RHCE: variants seen among roughly 807,000 people sequenced by gnomAD.
The protein encoded by RHCE is blood group Rh(CE) polypeptide.
Under a neutral mutation model 43.8 loss-of-function variants are expected in RHCE, and 22 were observed. That is an observed-to-expected ratio of 0.50 (90% CI 0.36 to 0.72). The LOEUF (loss-of-function observed/expected upper bound fraction) is 0.72, where lower values mean the gene tolerates loss of function less well. Among genes scored for constraint, RHCE ranks in the 30% least tolerant of loss-of-function variants. The pLI is 0.00. For synonymous variants in RHCE, 156 were observed against 210.7 expected (o/e 0.74, Z 2.25); for missense variants, 385 against 525.4 (o/e 0.73, Z 2.61).
rs1173613296 is a variant in RHCE, at chr1:25,409,255, G to C, written c.149-386C>G. 1.6e-5 allele frequency among the ~76,000 whole-genome samples: 2 copies of C among 123,770 alleles called. 1 individual carries two copies. Among genetic ancestry groups the C allele is most frequent in the Non-Finnish European group, 3.7e-5 (2 of 54,274 alleles). The allele number at this position is 123,770 out of a possible 152,430, so 81.2% of individuals were successfully genotyped here. Reference sequence around the variant, plus strand: ...TCATTGCTGCTGTTATTGCATATGAGGGCCAACCCCCTGGCTGGGCACATG... The same window carrying C: ...TCATTGCTGCTGTTATTGCATATGACGGCCAACCCCCTGGCTGGGCACATG... On this transcript the variant is annotated intron_variant, in intron 1 of 9. Coordinates refer to ENST00000294413, the MANE Select transcript of RHCE (RefSeq NM_020485.8).
rs541555173 is a variant in RHCE, at chr1:25,377,198, A to C, written c.1074-1770T>G. 4.5e-4 allele frequency among the ~76,000 whole-genome samples: 69 copies of C among 152,266 alleles called. 1 individual carries two copies. In the South Asian group the frequency reaches 9.9e-3, roughly 22 times the overall value. On this transcript the variant is annotated intron_variant, in intron 7 of 9. Coordinates refer to ENST00000294413, the MANE Select transcript of RHCE (RefSeq NM_020485.8). Reference sequence around the variant, plus strand: ...CAATTACTCAATTCATTGATCTAAAATTAAGTGATTTTTAGAAAAAAATTC... The same window carrying C: ...CAATTACTCAATTCATTGATCTAAACTTAAGTGATTTTTAGAAAAAAATTC...
At position 25,416,751 on chromosome 1, in the gene RHCE, G is replaced by A. The variant is rs577741051; in HGVS notation, c.148+3888C>T. 1.1e-4 allele frequency among the ~76,000 whole-genome samples: 16 copies of A among 150,696 alleles called. No homozygotes were observed. The South Asian group carries it at 3.3e-3, about 32-fold the overall frequency. Reference sequence around the variant, plus strand: ...CTCACCTCAGCCTACTGAGTAGCTGGGACTACAGGCATGTGCCACCACACT... The same window carrying A: ...CTCACCTCAGCCTACTGAGTAGCTGAGACTACAGGCATGTGCCACCACACT... On this transcript the variant is annotated intron_variant, in intron 1 of 9. Coordinates refer to ENST00000294413, the MANE Select transcript of RHCE (RefSeq NM_020485.8).
intron 3 of RHCE, among the ~76,000 whole-genome samples, chr1:25,392,692 T>C (rs1646415707): frequency 6.8e-6 from 1 of 146,088 alleles, no homozygotes; most frequent in African/African-American, 2.5e-5. Context: ...CACCTCAGCC[T>C]CCTAAGTAGC....
chr1:25,379,264 C>T (rs929222350), intron 7 of RHCE, among the ~76,000 whole-genome samples: 2 of 151,292 alleles, frequency 1.3e-5, no homozygotes, highest in Non-Finnish European at 2.9e-5. Context: ...GGGGCCCCAC[C>T]CTGATGACTT....
intron 3 of RHCE, among the ~76,000 whole-genome samples, chr1:25,394,413 C>A (rs1646478641): frequency 6.6e-6 from 1 of 152,068 alleles, no homozygotes; most frequent in South Asian, 2.1e-4. Context: ...GCACTCGTTA[C>A]CTTCAGGTCT....
chr1:25,382,616 A>T (rs1646034117), intron 7 of RHCE, among the ~76,000 whole-genome samples: 1 of 151,822 alleles, frequency 6.6e-6, no homozygotes, highest in African/African-American at 2.4e-5. Context: ...CCCTGGCCAG[A>T]CCCTCAGCTC....
chr1:25,420,885 C>T (rs2042751388), upstream of RHCE: 5 of 1,552,466 alleles, frequency 3.2e-6, no homozygotes, highest in East Asian at 2.4e-5. Flanking sequence ...GGGAGACACC[C>T]GCCAAAGGCC....
In RHCE at chr1:25,385,731, A is replaced by C; in HGVS notation, c.1053T>G (p.Thr351=). ...ITYIVLLVLH[T]VWNGNGMIGF... ...CCCACATGCCATTGCCGTTCCAGACAGTATGAAGCACCAGCAGCACAATGT... is the reference window on the plus strand; with the variant it reads ...CCCACATGCCATTGCCGTTCCAGACCGTATGAAGCACCAGCAGCACAATGT... The change falls in exon 7 of 10, where the codon ACT becomes ACG. Residue 351 remains threonine (T), a synonymous_variant. Coordinates refer to ENST00000294413, the MANE Select transcript of RHCE (RefSeq NM_020485.8). 1 of 1,614,042 alleles carries C rather than the reference A, an allele frequency of 6.2e-7. No individual in the cohort carries two copies. Among genetic ancestry groups the C allele is most frequent in the Non-Finnish European group, 8.5e-7 (1 of 1,180,014 alleles).
intron 9 of RHCE, among the ~76,000 whole-genome samples, chr1:25,368,961 G>A (rs1163735965): frequency 9.9e-5 from 15 of 151,620 alleles, no homozygotes; most frequent in Admixed American, 3.3e-4. Context: ...GGGTTTCACC[G>A]GGTTGCCCAG....
At chr1:25,393,258 G>C (rs538545428) in intron 3 of RHCE, among the ~76,000 whole-genome samples, 156 of 152,162 alleles carry the variant, frequency 1.0e-3, no homozygotes, top group Admixed American at 1.7e-3. Flanking sequence ...CCTCCTAACT[G>C]GTCTCCCCAT....
upstream of RHCE, among the ~76,000 whole-genome samples, chr1:25,423,495 C>T (rs1047028722): frequency 6.6e-6 from 1 of 152,214 alleles, no homozygotes; most frequent in African/African-American, 2.4e-5. Flanking sequence ...TGATCCTGCC[C>T]CAGTAAGGAA....
rs370087814 is a variant in RHCE, at chr1:25,391,988, C to G, written c.634+6G>C. 6.2e-7 allele frequency: 1 copy of G among 1,613,818 alleles called. No homozygotes were observed. Among genetic ancestry groups the G allele is most frequent in the African/African-American group, 1.3e-5 (1 of 75,018 alleles). On this transcript the variant is annotated splice_donor_region_variant and intron_variant, in intron 4 of 9. Coordinates refer to ENST00000294413, the MANE Select transcript of RHCE (RefSeq NM_020485.8). Reference sequence around the variant, plus strand: ...TATGAGACCACTCACCCCACCTTGTCCTTACCCAGCATGGCAGACAAACTG... The same window carrying G: ...TATGAGACCACTCACCCCACCTTGTGCTTACCCAGCATGGCAGACAAACTG...
intron 3 of RHCE, among the ~76,000 whole-genome samples, chr1:25,394,625 C>T (rs568317452): frequency 1.1e-4 from 16 of 152,228 alleles, no homozygotes; most frequent in South Asian, 1.0e-3. Context: ...AGATGTTCCA[C>T]GAGAGTTGTA....
intron 7 of RHCE, among the ~76,000 whole-genome samples, chr1:25,385,259 T>C (rs946624998): frequency 2.0e-5 from 3 of 152,202 alleles, no homozygotes; most frequent in African/African-American, 4.8e-5. Context: ...TTAAATCCAG[T>C]AGCATCCCAA....
At chr1:25,388,458 G>A (rs1466031818) in intron 6 of RHCE, among the ~76,000 whole-genome samples, 2 of 136,962 alleles carry the variant, frequency 1.5e-5, no homozygotes, top group Admixed American at 7.6e-5. Context: ...TATGCACGAT[G>A]TGCCCACCCC....
At chr1:25,411,415 A>G (rs1190588430) in intron 1 of RHCE, 1 of 1,550,204 alleles carries the variant, frequency 6.5e-7, no homozygotes, top group Non-Finnish European at 8.7e-7. Flanking sequence ...AGTCTCAGAA[A>G]AAGTCTTTGA....
At chr1:25,420,151 C>T (rs1198820821) in intron 1 of RHCE, among the ~76,000 whole-genome samples, 1 of 152,062 alleles carries the variant, frequency 6.6e-6, no homozygotes, top group African/African-American at 2.4e-5. Flanking sequence ...CACTGCACTT[C>T]AGCCTGGGCA....
chr1:25,428,524 C>T (rs994746259), intron 2 of RHCE, among the ~76,000 whole-genome samples: 3 of 152,172 alleles, frequency 2.0e-5, no homozygotes, highest in Non-Finnish European at 2.9e-5. Context: ...CCACCCGGTG[C>T]CACTTGATCA....
Position 25,389,013 on chromosome 1 carries a change from G to A in RHCE, c.902C>T (p.Ala301Val). 1 of 1,614,212 alleles carries A rather than the reference G, an allele frequency of 6.2e-7. No homozygotes were observed. Among genetic ancestry groups the A allele is most frequent in the East Asian group, 2.2e-5 (1 of 44,886 alleles). The stretch of plus-strand genomic sequence containing the variant: ...GGCTCCCCCGATGGAGATCAGCCCA[G>A]CCACAAGACCCAGCACCATGGCAAG... The part of the protein sequence containing the change: ...PWLAMVLGLV[A>V]GLISIGGAKC... The change falls in exon 6 of 10, where the codon GCT becomes GTT. Residue 301 changes from alanine (A) to valine (V), a missense_variant. Coordinates refer to ENST00000294413, the MANE Select transcript of RHCE (RefSeq NM_020485.8).
Sources: gnomAD v4.1 joint callset for allele counts (sites outside exome capture counted in the v4.1 genomes callset) on GRCh38, gnomAD v4.1.1 for gene constraint, MANE v1.5 for transcripts, NCBI Gene and HGNC (gene_info 2026-07-23, HGNC 2026-07-21) for gene names.